Variants in TRPM3 observed in about 807,000 individuals in gnomAD.
TRPM3 encodes the protein transient receptor potential cation channel subfamily M member 3.
In TRPM3, 77 loss-of-function variants were observed where a neutral mutation model predicts 181.2. That is an observed-to-expected ratio of 0.42 (90% CI 0.35 to 0.51). TRPM3 has a LOEUF of 0.51. Ranked by LOEUF, TRPM3 falls within the 20% of genes least tolerant of loss-of-function variation. TRPM3 has a pLI of 0.01. For synonymous variants in TRPM3, 745 were observed against 796.4 expected (o/e 0.94, Z 1.09); for missense variants, 1,759 against 2,196.7 (o/e 0.80, Z 3.98).
At chr9:70,669,749 T>TTTC (rs1440976271) in intron 9 of TRPM3, among the ~76,000 whole-genome samples, 362 of 57,682 alleles carry the variant, frequency 6.3e-3, no homozygotes, top group Middle Eastern at 8.6e-3. Context: ...TTTCTTTTCT[T>TTTC]TTTTTTTTTT....
intron 8 of TRPM3, among the ~76,000 whole-genome samples, chr9:70,687,248 G>T (rs1049019497): frequency 2.0e-5 from 3 of 152,070 alleles, no homozygotes; most frequent in African/African-American, 7.2e-5. Flanking sequence ...TCTTTTTTGT[G>T]TTATTTGAGG....
At chr9:71,299,433 A>AT in intron 1 of TRPM3, among the ~76,000 whole-genome samples, 1 of 152,070 alleles carries the variant, frequency 6.6e-6, no homozygotes, top group Admixed American at 6.6e-5. Context: ...AAATGAGGGA[A>AT]TTGAAACTGA....
At chr9:71,173,474 T>A (rs539899444) in intron 1 of TRPM3, among the ~76,000 whole-genome samples, 1 of 152,218 alleles carries the variant, frequency 6.6e-6, no homozygotes, top group African/African-American at 2.4e-5. Context: ...ATTTACCATA[T>A]ATGTCTTATA....
intron 18 of TRPM3, among the ~76,000 whole-genome samples, 185 bp downstream of exon 18, chr9:70,615,723 C>A (rs919948327): frequency 1.3e-5 from 2 of 152,224 alleles, no homozygotes; most frequent in Non-Finnish European, 2.9e-5. Context: ...ACCCTATGGT[C>A]ATGCTATTTA....
intron 9 of TRPM3, among the ~76,000 whole-genome samples, chr9:70,669,800 G>A (rs1251976181): frequency 6.7e-6 from 1 of 149,048 alleles, no homozygotes; most frequent in African/African-American, 2.5e-5. Flanking sequence ...CTGGAATGCA[G>A]TGGTGTGATC....
chr9:70,769,515 T>C (rs974815516), intron 7 of TRPM3, among the ~76,000 whole-genome samples: 1 of 110,318 alleles, frequency 9.1e-6, no homozygotes, highest in Non-Finnish European at 2.2e-5. Context: ...GTTGTAAGAC[T>C]ATTAAGCTTT....
chr9:70,940,254 A>C (rs1334079190), intron 1 of TRPM3, among the ~76,000 whole-genome samples: 1 of 152,216 alleles, frequency 6.6e-6, no homozygotes, highest in Non-Finnish European at 1.5e-5. Context: ...GAAACTTAAC[A>C]CAAAAAAAAG....
In TRPM3 at chr9:71,118,377, C is replaced by T. The variant is rs535111662; in HGVS notation, c.177+2801G>A. ...TGGGTTTAATTCATACTTCAGATAT[C>T]GGCCTTCCCCTTCTAATTCTTTTGT... On this transcript the variant is annotated intron_variant, in intron 1 of 25. Transcript: ENST00000677713. 5.9e-5 allele frequency among the ~76,000 whole-genome samples: 9 copies of T among 152,276 alleles called. No individual in the cohort carries two copies. In the South Asian group the frequency reaches 1.0e-3, roughly 18 times the overall value.
intron 1 of TRPM3, among the ~76,000 whole-genome samples, chr9:71,307,866 G>A (rs2087512618): frequency 6.6e-6 from 1 of 151,930 alleles, no homozygotes; most frequent in Non-Finnish European, 1.5e-5. Flanking sequence ...TAATTCCTAA[G>A]TGACTATTTC....
rs969587821 is a variant in TRPM3 at position 70,843,136 on chromosome 9, A to AC, written c.677-10_677-9insG. On this transcript the variant is annotated splice_polypyrimidine_tract_variant and intron_variant, in intron 4 of 25. Transcript: ENST00000677713. The stretch of plus-strand genomic sequence containing the variant: ...AACATGACGAATAACACCTAAAAAA[A>AC]AAAGAGAAGCATTGATTTTTTCTTT... The AC allele has an allele frequency of 1.1e-5, 18 of 1,596,140 alleles. No homozygotes were observed. The highest frequency in any genetic ancestry group is 1.5e-5 in the Non-Finnish European group (18 of 1,175,432).
chr9:71,115,927 A>T (rs2072259400), intron 1 of TRPM3, among the ~76,000 whole-genome samples: 1 of 152,086 alleles, frequency 6.6e-6, no homozygotes, highest in Non-Finnish European at 1.5e-5. Flanking sequence ...CCACCATTTG[A>T]TACACACCAG....
chr9:70,680,515 G>A (rs2065141590), intron 9 of TRPM3, among the ~76,000 whole-genome samples: 1 of 152,164 alleles, frequency 6.6e-6, no homozygotes, highest in South Asian at 2.1e-4. Flanking sequence ...TTGATTGAAT[G>A]TTGCCATGTG....
chr9:71,094,663 A>G (rs667136), intron 1 of TRPM3, among the ~76,000 whole-genome samples: 35,581 of 151,994 alleles, frequency 0.23, 4,935 homozygotes, highest in East Asian at 0.4. Flanking sequence ...AGGGAAAGAG[A>G]GCAATCTTAT....
chr9:71,320,577 C>T (rs2089127307), intron 1 of TRPM3, among the ~76,000 whole-genome samples: 1 of 152,196 alleles, frequency 6.6e-6, no homozygotes, highest in Admixed American at 6.5e-5. Flanking sequence ...CATTGTTCAT[C>T]TCCTTTGCAG....
chr9:71,337,978 T>C (rs935288337), intron 1 of TRPM3, among the ~76,000 whole-genome samples: 8 of 151,934 alleles, frequency 5.3e-5, no homozygotes, highest in Non-Finnish European at 1.2e-4. Flanking sequence ...AAATACCTAA[T>C]GTAGATGACA....
chr9:70,598,682 GAA>G lies in TRPM3; in HGVS notation c.2797-14_2797-13del, dbSNP rs748781193. On this transcript the variant is annotated splice_polypyrimidine_tract_variant and intron_variant, in intron 20 of 25. Transcript: ENST00000677713. Reference sequence around the variant, plus strand: ...TCTGACATCAGAATCTATAAGGCAGGAAGGAGAGCAGAGTTAGGTCTGGTTTC... The same window carrying G: ...TCTGACATCAGAATCTATAAGGCAGGGGAGAGCAGAGTTAGGTCTGGTTTC... The G allele has an allele frequency of 1.2e-6, 2 of 1,611,170 alleles. No individual in the cohort carries two copies. The highest frequency in any genetic ancestry group is 1.7e-6 in the Non-Finnish European group (2 of 1,177,662).
At chr9:71,331,432 A>G (rs1419890460) in intron 1 of TRPM3, among the ~76,000 whole-genome samples, 1 of 151,852 alleles carries the variant, frequency 6.6e-6, no homozygotes, top group African/African-American at 2.4e-5. Context: ...GTTTCCTGAC[A>G]TAGTTACTGG....
At chr9:71,159,468 T>C (rs1027356227) in intron 1 of TRPM3, among the ~76,000 whole-genome samples, 3 of 152,084 alleles carry the variant, frequency 2.0e-5, no homozygotes, top group Non-Finnish European at 4.4e-5. Context: ...ATCAAATATA[T>C]CAAGAATACA....
chr9:71,063,264 C>T (rs2061530194), intron 1 of TRPM3, among the ~76,000 whole-genome samples: 1 of 152,136 alleles, frequency 6.6e-6, no homozygotes, highest in South Asian at 2.1e-4. Context: ...AATGCTGCTC[C>T]TATGCAGGTG....
Sources: gnomAD v4.1 joint callset for allele counts (sites outside exome capture counted in the v4.1 genomes callset) on GRCh38, gnomAD v4.1.1 for gene constraint, MANE v1.5 for transcripts, NCBI Gene and HGNC (gene_info 2026-07-23, HGNC 2026-07-21) for gene names.